ERI3: variants seen among roughly 807,000 people sequenced by gnomAD.
ERI3 encodes ERI1 exoribonuclease 3.
ERI3 carries 18 observed loss-of-function variants against 44.4 expected under a neutral mutation model. That is an observed-to-expected ratio of 0.41 (90% CI 0.28 to 0.60). ERI3 has a LOEUF of 0.60. Ranked by LOEUF, ERI3 falls within the 20% of genes least tolerant of loss-of-function variation. ERI3 has a pLI of 0.36. For missense variants in ERI3, 294 were observed against 435.5 expected, an observed-to-expected ratio of 0.68 and a Z score of 2.89; for synonymous variants, 183 against 164.8, an observed-to-expected ratio of 1.11 and a Z score of -0.84.
intron 2 of ERI3, among the ~76,000 whole-genome samples, chr1:44,350,924 A>G (rs945768047): frequency 6.6e-6 from 1 of 152,112 alleles, no homozygotes; most frequent in Non-Finnish European, 1.5e-5. Context: ...ATGCCACAGA[A>G]GATAAAAATA....
chr1:44,238,754 C>T (rs567188579), intron 8 of ERI3, among the ~76,000 whole-genome samples: 5 of 151,982 alleles, frequency 3.3e-5, no homozygotes, highest in South Asian at 2.1e-4. Context: ...AGCCTCCCCC[C>T]ACAGAGGCCA....
intron 8 of ERI3, among the ~76,000 whole-genome samples, chr1:44,234,887 C>T (rs888438703): frequency 7.2e-5 from 11 of 152,030 alleles, no homozygotes; most frequent in Admixed American, 2.0e-4. Flanking sequence ...GGATTACACG[C>T]GTGTGCCACC....
intron 7 of ERI3, among the ~76,000 whole-genome samples, chr1:44,259,681 AACACACAGACAC>A (rs1644848344): frequency 1.9e-5 from 1 of 54,050 alleles, no homozygotes. Context: ...ATCTCTACAA[AACACACAGACAC>A]ACACACACAC....
chr1:44,249,074 G>C (rs1644618715), intron 7 of ERI3, among the ~76,000 whole-genome samples: 1 of 152,174 alleles, frequency 6.6e-6, no homozygotes, highest in Non-Finnish European at 1.5e-5. Flanking sequence ...TAGCCAAATA[G>C]GATTGAATTC....
At chr1:44,236,040 G>A (rs1644295738) in intron 8 of ERI3, among the ~76,000 whole-genome samples, 1 of 152,146 alleles carries the variant, frequency 6.6e-6, no homozygotes, top group Non-Finnish European at 1.5e-5. Flanking sequence ...TATCCCCTTT[G>A]TTTGTTTGTC....
At chr1:44,343,438 G>A (rs1646723321) in intron 2 of ERI3, among the ~76,000 whole-genome samples, 1 of 152,142 alleles carries the variant, frequency 6.6e-6, no homozygotes, top group African/African-American at 2.4e-5. Flanking sequence ...CACACGACGA[G>A]AAGAACAAAG....
At chr1:44,286,890 G>C (rs1216403234) in intron 6 of ERI3, among the ~76,000 whole-genome samples, 3 of 152,150 alleles carry the variant, frequency 2.0e-5, no homozygotes, top group African/African-American at 7.2e-5. Context: ...AACTTCAAGA[G>C]TTCCTAAGGA....
intron 2 of ERI3, among the ~76,000 whole-genome samples, chr1:44,346,551 C>T (rs1646786878): frequency 1.3e-5 from 2 of 152,170 alleles, no homozygotes; most frequent in Admixed American, 1.3e-4. Flanking sequence ...TCCTAACACA[C>T]CATAAATAGA....
At chr1:44,231,375 C>T (rs1195855576) in intron 8 of ERI3, among the ~76,000 whole-genome samples, 1 of 152,006 alleles carries the variant, frequency 6.6e-6, no homozygotes, top group Non-Finnish European at 1.5e-5. Context: ...TTTTTCCTTG[C>T]CCACTTCTTT....
chr1:44,348,866 C>G (rs1376789629), intron 2 of ERI3, among the ~76,000 whole-genome samples: 1 of 152,254 alleles, frequency 6.6e-6, no homozygotes, highest in Non-Finnish European at 1.5e-5. Context: ...TCAGGCAACT[C>G]ATTTAACCTT....
chr1:44,229,898 AG>A (rs1486705132), intron 8 of ERI3, among the ~76,000 whole-genome samples: 1 of 152,192 alleles, frequency 6.6e-6, no homozygotes, highest in Non-Finnish European at 1.5e-5. Flanking sequence ...GAAAGACCAG[AG>A]TTGGGGACCA....
intron 6 of ERI3, among the ~76,000 whole-genome samples, chr1:44,302,235 C>T (rs1645741850): frequency 6.6e-6 from 1 of 152,234 alleles, no homozygotes; most frequent in Non-Finnish European, 1.5e-5. Context: ...AGATGTAGCT[C>T]AGTTCTGCTT....
chr1:44,349,462 G>C (rs1297730818), intron 2 of ERI3, among the ~76,000 whole-genome samples: 1 of 152,150 alleles, frequency 6.6e-6, no homozygotes, highest in Non-Finnish European at 1.5e-5. Context: ...CGCCTGGCCA[G>C]TTCTGGGATT....
At chr1:44,239,301 G>T (rs147926433) in intron 8 of ERI3, among the ~76,000 whole-genome samples, 1 of 152,302 alleles carries the variant, frequency 6.6e-6, no homozygotes, top group Non-Finnish European at 1.5e-5. Flanking sequence ...TTTGGGGTGT[G>T]TGACACTGCT....
intron 8 of ERI3, chr1:44,242,201 G>A: frequency 1.1e-6 from 1 of 928,090 alleles, no homozygotes; most frequent in Non-Finnish European, 1.3e-6. Context: ...GTAGTACTGT[G>A]CTCTGCCCTT....
chr1:44,297,991 G>A (rs546426194), intron 6 of ERI3, among the ~76,000 whole-genome samples: 11 of 152,346 alleles, frequency 7.2e-5, no homozygotes, highest in African/African-American at 2.6e-4. Context: ...TCCTGCCAAG[G>A]TGGCAAGGGC....
chr1:44,272,099 C>G (rs1645098827), intron 7 of ERI3, among the ~76,000 whole-genome samples: 1 of 152,122 alleles, frequency 6.6e-6, no homozygotes, highest in African/African-American at 2.4e-5. Context: ...AAGCGAAGGG[C>G]AGGGGCATAG....
chr1:44,310,963 G>GCGCGCGCGCGCA (rs1373873768), intron 5 of ERI3, among the ~76,000 whole-genome samples: 17 of 123,262 alleles, frequency 1.4e-4, no homozygotes, highest in South Asian at 5.8e-4. Context: ...GCGCGCGCGC[G>GCGCGCGCGCGCA]CACACACACA....
chr1:44,278,158 C>T (rs986394667), intron 7 of ERI3, among the ~76,000 whole-genome samples: 1 of 152,116 alleles, frequency 6.6e-6, no homozygotes, highest in Non-Finnish European at 1.5e-5. Flanking sequence ...CTGTACATCT[C>T]AATTGGGATG....
Sources: allele counts gnomAD v4.1 joint callset (sites outside exome capture counted in the v4.1 genomes callset), GRCh38; gene constraint gnomAD v4.1.1; transcripts MANE v1.5; gene names NCBI Gene and HGNC (gene_info 2026-07-23, HGNC 2026-07-21).